UROC1: variants seen among roughly 807,000 people sequenced by gnomAD.
The protein encoded by UROC1 is urocanate hydratase.
In UROC1, 79 loss-of-function variants were observed where a neutral mutation model predicts 89.5. That is an observed-to-expected ratio of 0.88 (90% confidence interval 0.74 to 1.06). The LOEUF is 1.06. Among genes scored for constraint, UROC1 ranks in the 50% least tolerant of loss-of-function variants. The pLI is 0.00. For missense variants in UROC1, 885 were observed against 907.8 expected (o/e 0.97, Z 0.32); for synonymous variants, 361 against 354.8 (o/e 1.02, Z -0.20).
intron 15 of UROC1, among the ~76,000 whole-genome samples, chr3:126,493,540 T>C (rs1935704150): frequency 6.6e-6 from 1 of 152,152 alleles, no homozygotes; most frequent in Non-Finnish European, 1.5e-5. Flanking sequence ...CACTGTCTGA[T>C]CTCGCTTATA....
chr3:126,488,094 G>C, intron 18 of UROC1, 104 bp downstream of exon 18: 1 of 1,224,920 alleles, frequency 8.2e-7, no homozygotes, highest in Non-Finnish European at 1.2e-6. Context: ...AGGTGACCAG[G>C]GAGGTAGGGC....
intron 16 of UROC1, among the ~76,000 whole-genome samples, chr3:126,491,176 C>T (rs1032079815): frequency 2.0e-4 from 30 of 152,222 alleles, no homozygotes; most frequent in African/African-American, 6.0e-4. Context: ...CTCAGCTCAA[C>T]GTTAGCAACT....
At chr3:126,492,311 C>T in intron 16 of UROC1, 107 bp downstream of exon 16, 2 of 1,111,682 alleles carry the variant, frequency 1.8e-6, no homozygotes, top group South Asian at 1.3e-5. Flanking sequence ...GTCTCCCCAC[C>T]CAGAAGGCTG....
chr3:126,503,339 CT>C (rs1257827804), intron 9 of UROC1, among the ~76,000 whole-genome samples: 3 of 152,254 alleles, frequency 2.0e-5, no homozygotes, highest in Non-Finnish European at 4.4e-5. Flanking sequence ...ACCGATGTGT[CT>C]TCCCGTAACA....
chr3:126,506,659 C>T (rs1409086089), intron 6 of UROC1, among the ~76,000 whole-genome samples: 2 of 152,214 alleles, frequency 1.3e-5, no homozygotes, highest in Non-Finnish European at 2.9e-5. Flanking sequence ...GTCTAACCAC[C>T]TAAATTGCCA....
chr3:126,494,613 C>A (rs993522579), intron 15 of UROC1, among the ~76,000 whole-genome samples: 3 of 152,208 alleles, frequency 2.0e-5, no homozygotes, highest in African/African-American at 7.2e-5. Context: ...CGGTCCATGG[C>A]CAAAGGTGTA....
At chr3:126,502,077 T>C in intron 9 of UROC1, 1 of 921,886 alleles carries the variant, frequency 1.1e-6, no homozygotes, top group Middle Eastern at 3.5e-4. Context: ...TGTATGTGTG[T>C]GTGTTCATGT....
chr3:126,494,504 TA>T (rs1481373890), intron 15 of UROC1, among the ~76,000 whole-genome samples: 1 of 152,184 alleles, frequency 6.6e-6, no homozygotes, highest in Non-Finnish European at 1.5e-5. Context: ...TGAGGCTGGA[TA>T]CAAATGCAAA....
rs1935825970 is a variant in UROC1, at chr3:126,498,113, T to C, written c.1376A>G (p.Gln459Arg). ...CAGTTCGTCTGTGACCGCCAGGTCCTGGGGGTCCCCCGATGTGCACACCCA... is the reference window on the plus strand; with the variant it reads ...CAGTTCGTCTGTGACCGCCAGGTCCCGGGGGTCCCCCGATGTGCACACCCA... ...FRWVCTSGDP[Q>R]DLAVTDELAT... is the part of the protein sequence containing the mutation. Residue 459 changes from glutamine (Q) to arginine (R), a missense_variant, in exon 14 of 20, where the codon CAG becomes CGG. By Grantham distance (43) the Gln-to-Arg change is conservative (BLOSUM62 1). Transcript: ENST00000290868. 1 of 1,614,170 alleles carries C rather than the reference T, an allele frequency of 6.2e-7. No homozygotes were observed. Among genetic ancestry groups the C allele is most frequent in the South Asian group, 1.1e-5 (1 of 91,088 alleles).
chr3:126,504,172 C>T (rs1936003501), intron 8 of UROC1, 89 bp from the exon 9 acceptor site: 1 of 1,355,836 alleles, frequency 7.4e-7, no homozygotes, highest in South Asian at 1.2e-5. Context: ...AGGAAGGTGT[C>T]ATCCCCTGTA....
At chr3:126,486,068 C>T (rs1935509346) in intron 18 of UROC1, among the ~76,000 whole-genome samples, 2 of 152,218 alleles carry the variant, frequency 1.3e-5, no homozygotes, top group Admixed American at 6.5e-5. Flanking sequence ...ATCGGCGCCC[C>T]AGGACCCAGG....
chr3:126,491,624 A>T (rs1935656129), intron 16 of UROC1, among the ~76,000 whole-genome samples: 1 of 152,166 alleles, frequency 6.6e-6, no homozygotes, highest in Non-Finnish European at 1.5e-5. Flanking sequence ...TCTATCTTAC[A>T]CCTGACCAGT....
chr3:126,501,579 C>T (rs182340515), intron 9 of UROC1, among the ~76,000 whole-genome samples: 1 of 152,372 alleles, frequency 6.6e-6, no homozygotes, highest in East Asian at 1.9e-4. Flanking sequence ...TGTGGGTCCT[C>T]CACAGGGATC....
chr3:126,511,490 GCCGC>G (rs1263874125), intron 1 of UROC1, among the ~76,000 whole-genome samples: 1 of 152,248 alleles, frequency 6.6e-6, no homozygotes, highest in Non-Finnish European at 1.5e-5. Flanking sequence ...GGCAGTGCCA[GCCGC>G]CGCCTCGGGG....
intron 1 of UROC1, among the ~76,000 whole-genome samples, chr3:126,515,190 C>G (rs57837678): frequency 0.039 from 5,993 of 152,130 alleles, 348 homozygotes; most frequent in African/African-American, 0.13. Flanking sequence ...CACAGGGCGC[C>G]GCAGGGGATG....
chr3:126,502,264 C>T (rs1687439), intron 9 of UROC1, among the ~76,000 whole-genome samples: 41,160 of 147,526 alleles, frequency 0.28, 6,001 homozygotes, highest in Admixed American at 0.33. Context: ...TGTGTGTGTG[C>T]GCCTGTGTGT....
chr3:126,505,427 CGGTCAGAGTTTTGT>C (rs1281466130), intron 8 of UROC1, among the ~76,000 whole-genome samples: 8 of 152,118 alleles, frequency 5.3e-5, no homozygotes, highest in African/African-American at 1.2e-4. Flanking sequence ...CATAAATAGA[CGGTCAGAGTTTTGT>C]GGTCAGAGTT....
chr3:126,485,448 G>T, intron 18 of UROC1, among the ~76,000 whole-genome samples: 1 of 151,994 alleles, frequency 6.6e-6, no homozygotes, highest in Non-Finnish European at 1.5e-5. Flanking sequence ...GTGGGGGAGG[G>T]CTGTGTGCAC....
chr3:126,509,482 A>T (rs1263543281), intron 3 of UROC1, 103 bp downstream of exon 3: 2 of 1,167,174 alleles, frequency 1.7e-6, no homozygotes, highest in Non-Finnish European at 2.5e-6. Flanking sequence ...ACTTTCTGTG[A>T]ATCTATAATT....
Sources: gnomAD v4.1 joint callset for allele counts (sites outside exome capture counted in the v4.1 genomes callset) on GRCh38, gnomAD v4.1.1 for gene constraint, MANE v1.5 for transcripts, NCBI Gene and HGNC (gene_info 2026-07-23, HGNC 2026-07-21) for gene names.